MYO1C: variants seen among roughly 807,000 people sequenced by gnomAD.
MYO1C encodes unconventional myosin-Ic.
In MYO1C, 104 loss-of-function variants were observed where a neutral mutation model predicts 150.8. The observed-to-expected ratio is 0.69, with a 90% CI of 0.59 to 0.81. MYO1C has a LOEUF of 0.81. Ranked by LOEUF, MYO1C falls within the 30% of genes least tolerant of loss-of-function variation. The probability of loss-of-function intolerance (pLI) is 0.00; values close to 1 mark genes in which losing one functional copy is unlikely to be tolerated. For missense variants in MYO1C, 1,504 were observed against 1,435.0 expected (o/e 1.05, Z -0.78); for synonymous variants, 663 against 579.9 (o/e 1.14, Z -2.06).
Position 1,477,932 on chromosome 17 carries a change from C to G in MYO1C, c.1441G>C (p.Asp481His), listed in dbSNP as rs1292177043. 1 of 1,614,190 alleles carries G rather than the reference C, an allele frequency of 6.2e-7. No individual in the cohort carries two copies. Among genetic ancestry groups the G allele is most frequent in the South Asian group, 1.1e-5 (1 of 91,082 alleles). The change falls in exon 13 of 32, where the codon GAT becomes CAT. Residue 481 changes from aspartate (D) to histidine (H), a missense_variant. Transcript: ENST00000648651. Reference protein sequence around the residue: ...VQYFNNKIICDLVEEKFKGII... With the variant: ...VQYFNNKIICHLVEEKFKGII... The stretch of plus-strand genomic sequence containing the variant: ...CCCTTAAACTTCTCCTCCACCAGAT[C>G]ACAGATGATTTTGTTGTTGAAATAC...
At chr17:1,466,455 C>T (rs1420570826) in intron 31 of MYO1C, among the ~76,000 whole-genome samples, 7 of 151,746 alleles carry the variant, frequency 4.6e-5, no homozygotes, top group Non-Finnish European at 8.8e-5. Flanking sequence ...CTCAGCCTCC[C>T]AAGTAGCTGG....
chr17:1,480,574 C>T lies in MYO1C; in HGVS notation c.859G>A (p.Val287Ile), dbSNP rs117696188. 5,609 of 1,614,192 alleles carry T rather than the reference C, an allele frequency of 3.5e-3. 16 individuals are homozygous for T. Among genetic ancestry groups the T allele is most frequent in the Non-Finnish European group, 4.3e-3 (5,109 of 1,180,034 alleles). ...TCAATGACTGTCAGAGCCTTCCTGA[C>T]GACCTTCCAGTCACTCTTGTCGTTG... ...SINDKSDWKV[V>I]RKALTVIDFT... The change falls in exon 7 of 32, where the codon GTC (valine) becomes ATC (isoleucine). Residue 287 changes from valine (V) to isoleucine (I), a missense_variant. Val to Ile is a conservative substitution (Grantham distance 29, BLOSUM62 3). Coordinates refer to ENST00000648651, the MANE Select transcript of MYO1C (RefSeq NM_001080779.2).
rs201065438 is a variant in MYO1C at position 1,480,911 on chromosome 17, C to T, written c.628-26G>A. ...CTGTGGGCAGGGCAGGGCATGAGGC[C>T]GGGTCACGGGGACTGGGAAAAGAGC... is the stretch of plus-strand genomic sequence containing the variant. On this transcript the variant is annotated intron_variant, in intron 5 of 31. Coordinates refer to ENST00000648651, the MANE Select transcript of MYO1C (RefSeq NM_001080779.2). The T allele has an allele frequency of 2.2e-4, 354 of 1,612,126 alleles. No homozygotes were observed. The African/African-American group carries it at 3.2e-3, about 14-fold the overall frequency.
At chr17:1,487,260 C>G (rs2074673103) in intron 1 of MYO1C, among the ~76,000 whole-genome samples, 1 of 152,240 alleles carries the variant, frequency 6.6e-6, no homozygotes, top group Non-Finnish European at 1.5e-5. Flanking sequence ...GCCACGCTTC[C>G]GATCCGGTGG....
intron 1 of MYO1C, chr17:1,485,365 G>GCGTCACTCAGGGCCCGGCCGGGA: frequency 1.8e-6 from 2 of 1,093,240 alleles, no homozygotes; most frequent in South Asian, 2.5e-5. Flanking sequence ...TCTGGCCGGG[G>GCGTCACTCAGGGCCCGGCCGGGA]GCCTGCCCCT....
intron 14 of MYO1C, among the ~76,000 whole-genome samples, chr17:1,477,001 G>A (rs376562966): frequency 9.9e-5 from 15 of 151,918 alleles, no homozygotes; most frequent in Admixed American, 3.9e-4. Context: ...ACCACACCCA[G>A]CGAATTTTTG....
chr17:1,481,120 G>A (rs2074511441), intron 5 of MYO1C: 1 of 566,100 alleles, frequency 1.8e-6, no homozygotes, highest in East Asian at 3.0e-5. Context: ...TGCCTGACAG[G>A]TATCGCAAAT....
chr17:1,483,472 TG>T, intron 3 of MYO1C, 137 bp downstream of exon 3: 5 of 675,476 alleles, frequency 7.4e-6, no homozygotes, highest in East Asian at 5.5e-5. Flanking sequence ...CTCTGGTCAC[TG>T]GGGGGCAAGA....
intron 1 of MYO1C, chr17:1,485,211 A>T: frequency 2.5e-6 from 3 of 1,179,308 alleles, no homozygotes; most frequent in Non-Finnish European, 3.2e-6. Context: ...CAGGGCTGAG[A>T]TGGATCCCTC....
chr17:1,480,144 CAAAAAA>C (rs34326248), intron 7 of MYO1C, among the ~76,000 whole-genome samples: 2 of 42,680 alleles, frequency 4.7e-5, no homozygotes, highest in South Asian at 2.3e-3. Flanking sequence ...GACTCCATCT[CAAAAAA>C]AAAAAAAAAA....
chr17:1,466,008 G>A (rs892345899), intron 31 of MYO1C, among the ~76,000 whole-genome samples: 1 of 151,986 alleles, frequency 6.6e-6, no homozygotes, highest in East Asian at 1.9e-4. Flanking sequence ...CAGGAGTGGT[G>A]GGGGCCTAGT....
In MYO1C at chr17:1,478,149, G is replaced by C. The variant is rs1268396376; in HGVS notation, c.1339C>G (p.Gln447Glu). Residue 447 changes from glutamine (Q) to glutamate (E), a missense_variant, in exon 12 of 32, where the codon CAG becomes GAG. By Grantham distance (29) the Gln-to-Glu change is conservative. Transcript: ENST00000648651. This position sits in a 1 kb window ranked among gnomAD's most constrained non-coding sequence, Gnocchi z 6.3. ...CINYCNEKLQ[Q>E]LFIELTLKSE... ...TTGAGCGTGAGCTCGATGAAGAGCT[G>C]CTGCAGCTTCTCGTTGCAGTAATTG... 2 of 1,613,982 alleles carry C rather than the reference G, an allele frequency of 1.2e-6. No homozygotes were observed. The highest frequency in any genetic ancestry group is 1.3e-5 in the African/African-American group (1 of 74,956).
chr17:1,473,477 G>A (rs1299180791), intron 17 of MYO1C, among the ~76,000 whole-genome samples: 1 of 151,422 alleles, frequency 6.6e-6, no homozygotes, highest in Non-Finnish European at 1.5e-5. Context: ...GGGGTGGACG[G>A]CAGCAGCGGG....
chr17:1,472,184 G>A lies in MYO1C; in HGVS notation c.1842C>T (p.Ile614=), dbSNP rs2074318358. 5 of 1,614,164 alleles carry A rather than the reference G, an allele frequency of 3.1e-6. No individual in the cohort carries two copies. The highest frequency in any genetic ancestry group is 3.4e-6 in the Non-Finnish European group (4 of 1,180,016). The part of the protein sequence containing the change: ...FKMSLLQLVE[I]LQSKEPAYVR... ...CGTAGGCGGGCTCCTTAGACTGCAG[G>A]ATCTCCACCAGCTGCAGGAGGCTCA... The change falls in exon 18 of 32, where the codon ATC becomes ATT. Residue 614 remains isoleucine, a synonymous_variant. Transcript: ENST00000648651.
chr17:1,474,544 C>G, intron 17 of MYO1C, 66 bp downstream of exon 17: 3 of 1,541,924 alleles, frequency 1.9e-6, no homozygotes, highest in African/African-American at 1.4e-5. Flanking sequence ...AGCTCCCAGG[C>G]TCACACAGGC....
Position 1,474,797 on chromosome 17 carries a change from C to CCACGTCCTCCT in MYO1C, c.1716+4_1716+14dup, listed in dbSNP as rs1173021884. ...TATCCCCACCCCCACCCCGGCCTCC[C>CCACGTCCTCCT]CACGTCCTCCTCACCTCCTTAAGGT... On this transcript the variant is annotated intron_variant, in intron 16 of 31. Transcript: ENST00000648651. 1.2e-6 allele frequency: 2 copies of CCACGTCCTCCT among 1,613,940 alleles called. No homozygotes were observed. The highest frequency in any genetic ancestry group is 2.2e-5 in the East Asian group (1 of 44,888).
chr17:1,486,712 T>C (rs1412732570), intron 1 of MYO1C, among the ~76,000 whole-genome samples: 5 of 152,062 alleles, frequency 3.3e-5, no homozygotes, highest in Admixed American at 6.5e-5. Flanking sequence ...GACGGGGTTT[T>C]ACCATGTTGG....
Position 1,467,306 on chromosome 17 carries a change from G to A in MYO1C, c.3101C>T (p.Thr1034Ile). The A allele has an allele frequency of 6.2e-7, 1 of 1,613,606 alleles. No homozygotes were observed. Among genetic ancestry groups the A allele is most frequent in the Non-Finnish European group, 8.5e-7 (1 of 1,179,868 alleles). ...TFAGGPGRDG[T>I]IDFTPGSELL... ...CTCCGAGCCGGGTGTGAAGTCAATG[G>A]TGCCATCCCTGCCGGGGCCCCCTGC... Residue 1034 changes from threonine to isoleucine, a missense_variant, in exon 31 of 32, where the codon ACC becomes ATC. Physicochemically the swap from Thr to Ile is moderately conservative, Grantham distance 89. Transcript: ENST00000648651.
Position 1,486,524 on chromosome 17 carries a change from T to G in MYO1C, c.76-2221A>C, listed in dbSNP as rs562688603. 2.7e-3 allele frequency among the ~76,000 whole-genome samples: 73 copies of G among 26,596 alleles called. No homozygotes were observed. In the African/African-American group the frequency reaches 0.042, roughly 15 times the overall value. 17.4% of individuals were successfully genotyped at this position (26,596 alleles called of 152,430 possible). A position where few individuals can be genotyped will look rare whatever the true frequency, so the allele number is the denominator to read the frequency against. ...CCTCCCTCCCTCCTTTTTTTTTCTG[T>G]TTTTTTTTTGAGACGGGGTCTTGCG... On this transcript the variant is annotated intron_variant, in intron 1 of 31. Transcript: ENST00000648651.
Sources: allele counts gnomAD v4.1 joint callset (sites outside exome capture counted in the v4.1 genomes callset), GRCh38; gene constraint gnomAD v4.1.1; non-coding constraint Gnocchi (gnomAD v3.1); transcripts MANE v1.5; gene names NCBI Gene and HGNC (gene_info 2026-07-23, HGNC 2026-07-21).